The following CRYBA1 variants were observed in gnomAD, a reference collection of about 807,000 sequenced individuals.
CRYBA1 encodes crystallin beta A1.
CRYBA1 carries 25 observed loss-of-function variants against 36.2 expected under a neutral mutation model. The observed-to-expected ratio is 0.69, with a 90% CI of 0.50 to 0.97. The LOEUF (loss-of-function observed/expected upper bound fraction) is 0.97. CRYBA1 is among the 50% of genes least tolerant of loss of function. The pLI is 0.00. For synonymous variants in CRYBA1, 111 were observed against 90.0 expected (o/e 1.23, Z -1.32); for missense variants, 224 against 276.3 (o/e 0.81, Z 1.34).
At position 29,254,366 on chromosome 17, in the gene CRYBA1, A is replaced by C. The variant is rs1366101493; in HGVS notation, c.*17A>C. 6.2e-7 allele frequency: 1 copy of C among 1,613,974 alleles called. No individual in the cohort carries two copies. The highest frequency in any genetic ancestry group is 1.7e-5 in the Admixed American group (1 of 60,022). ...CAACAGTAGCTGATTAAAAGCTCCAAGTACGATAATTCCTCAAGCATGAGA... is the reference window on the plus strand; with the variant it reads ...CAACAGTAGCTGATTAAAAGCTCCACGTACGATAATTCCTCAAGCATGAGA... On this transcript the variant is annotated 3_prime_UTR_variant, in exon 6 of 6. Transcript: ENST00000225387.
At chr17:29,251,717 G>A (rs745553089) in intron 3 of CRYBA1, among the ~76,000 whole-genome samples, 3 of 152,136 alleles carry the variant, frequency 2.0e-5, no homozygotes, top group Non-Finnish European at 2.9e-5. Context: ...GGGCTCAAGC[G>A]ATCTGCTTGC....
At chr17:29,247,977 G>A (rs1007666517) in intron 1 of CRYBA1, among the ~76,000 whole-genome samples, 6 of 152,134 alleles carry the variant, frequency 3.9e-5, no homozygotes, top group African/African-American at 1.4e-4. Flanking sequence ...TTAGCCGGGC[G>A]TGGTGGCACA....
rs368469355 is a variant in CRYBA1, at chr17:29,249,185, G to A, written c.75G>A (p.Pro25=). The part of the protein sequence containing the change: ...TTKMAQTNPT[P]GSLGPWKITI... ...AGATGGCTCAGACCAACCCTACGCC[G>A]GGGTCCCTGGGGCCATGGAAGGTAA... Residue 25 remains proline, a synonymous_variant, in exon 2 of 6, where the codon CCG becomes CCA. Transcript: ENST00000225387. 7.4e-5 allele frequency: 119 copies of A among 1,611,918 alleles called. No homozygotes were observed. The African/African-American group carries it at 1.2e-3, about 17-fold the overall frequency.
intron 3 of CRYBA1, among the ~76,000 whole-genome samples, chr17:29,250,619 A>G (rs1003210545): frequency 6.6e-6 from 1 of 152,184 alleles, no homozygotes; most frequent in African/African-American, 2.4e-5. Flanking sequence ...CAGAACAGCC[A>G]CAAGACCCTT....
At chr17:29,251,209 T>C (rs1471090476) in intron 3 of CRYBA1, among the ~76,000 whole-genome samples, 2 of 152,214 alleles carry the variant, frequency 1.3e-5, no homozygotes, top group Non-Finnish European at 2.9e-5. Flanking sequence ...AGGTTTGGCT[T>C]GAGCCAAAGC....
chr17:29,252,234 CAT>C (rs1329717461), intron 4 of CRYBA1, 29 bp downstream of exon 4: 2 of 1,613,490 alleles, frequency 1.2e-6, no homozygotes, highest in Admixed American at 3.3e-5. Context: ...CACTTCCGTG[CAT>C]ATGAGGGATG....
chr17:29,252,034 C>CTA, intron 3 of CRYBA1, 30 bp from the exon 4 acceptor site: 1 of 1,614,110 alleles, frequency 6.2e-7, no homozygotes, highest in Non-Finnish European at 8.5e-7. Context: ...GCTTTGAACA[C>CTA]CATGAACAAA....
At chr17:29,251,969 ACC>A in intron 3 of CRYBA1, 93 bp from the exon 4 acceptor site, 1 of 1,504,408 alleles carries the variant, frequency 6.6e-7, no homozygotes, top group South Asian at 1.1e-5. Context: ...TTGATATTTT[ACC>A]CCACTATTGA....
chr17:29,250,745 T>TG (rs1170952116), intron 3 of CRYBA1, among the ~76,000 whole-genome samples: 2 of 151,632 alleles, frequency 1.3e-5, no homozygotes, highest in African/African-American at 4.9e-5. Context: ...AATTTCTTTA[T>TG]GAAAAAAAAA....
intron 4 of CRYBA1, among the ~76,000 whole-genome samples, chr17:29,252,546 T>A (rs1216211136): frequency 2.6e-5 from 4 of 152,126 alleles, no homozygotes; most frequent in Non-Finnish European, 5.9e-5. Context: ...CTGTGTAACA[T>A]TTTTACTGCA....
In CRYBA1 at chr17:29,252,027, T is replaced by A. The variant is rs541448028; in HGVS notation, c.216-37T>A. 25 of 1,614,136 alleles carry A rather than the reference T, an allele frequency of 1.5e-5. 1 individual carries two copies. Among genetic ancestry groups the A allele is most frequent in the Middle Eastern group, 3.3e-4 (2 of 6,062 alleles). ...CCTTCTCCCCAAGGCCATATAGGCTTTGAACACCATGAACAAACACTACAT... is the reference window on the plus strand; with the variant it reads ...CCTTCTCCCCAAGGCCATATAGGCTATGAACACCATGAACAAACACTACAT... On this transcript the variant is annotated intron_variant, in intron 3 of 5. Transcript: ENST00000225387.
Position 29,250,239 on chromosome 17 carries a change from T to C in CRYBA1, c.154T>C (p.Cys52Arg). Reference protein sequence around the residue: ...QGKRMEFTSSCPNVSERSFDN... With the variant: ...QGKRMEFTSSRPNVSERSFDN... ...CAAGAGGATGGAGTTCACCAGCTCCTGTCCAAATGTCTCTGAGCGCAGTTT... is the reference window on the plus strand; with the variant it reads ...CAAGAGGATGGAGTTCACCAGCTCCCGTCCAAATGTCTCTGAGCGCAGTTT... Residue 52 changes from cysteine (C) to arginine (R), a missense_variant, in exon 3 of 6, where the codon TGT becomes CGT. By Grantham distance (180) the Cys-to-Arg change is radical (BLOSUM62 -3). Coordinates refer to ENST00000225387, the MANE Select transcript of CRYBA1 (RefSeq NM_005208.5). 2 of 1,613,822 alleles carry C rather than the reference T, an allele frequency of 1.2e-6. No homozygotes were observed. Among genetic ancestry groups the C allele is most frequent in the African/African-American group, 2.7e-5 (2 of 75,068 alleles).
intron 4 of CRYBA1, 45 bp downstream of exon 4, chr17:29,252,250 C>T (rs1567671290): frequency 6.2e-7 from 1 of 1,611,858 alleles, no homozygotes; most frequent in Non-Finnish European, 8.5e-7. Flanking sequence ...AGGGATGGGA[C>T]AAGAGGGTGT....
rs1359035884 is a variant in CRYBA1, at chr17:29,254,372, A to G, written c.*23A>G. On this transcript the variant is annotated 3_prime_UTR_variant, in exon 6 of 6. Transcript: ENST00000225387. Reference sequence around the variant, plus strand: ...TAGCTGATTAAAAGCTCCAAGTACGATAATTCCTCAAGCATGAGACCTTGC... The same window carrying G: ...TAGCTGATTAAAAGCTCCAAGTACGGTAATTCCTCAAGCATGAGACCTTGC... The G allele has an allele frequency of 7.4e-6, 12 of 1,613,624 alleles. 1 individual carries two copies. Among genetic ancestry groups the G allele is most frequent in the South Asian group, 5.5e-5 (5 of 91,078 alleles).
At chr17:29,254,081 C>A in intron 5 of CRYBA1, 121 bp from the exon 6 acceptor site, 1 of 1,113,714 alleles carries the variant, frequency 9.0e-7, no homozygotes, top group Non-Finnish European at 1.3e-6. Context: ...TTTAGGATGG[C>A]TATTTTTTCT....
intron 3 of CRYBA1, 50 bp from the exon 4 acceptor site, chr17:29,252,014 G>A (rs1429226686): frequency 3.1e-6 from 5 of 1,613,474 alleles, no homozygotes; most frequent in South Asian, 1.1e-5. Flanking sequence ...TTCTCCCCAA[G>A]GCCATATAGG....
chr17:29,250,476 G>A (rs1400813893), intron 3 of CRYBA1, among the ~76,000 whole-genome samples, 176 bp downstream of exon 3: 1 of 152,154 alleles, frequency 6.6e-6, no homozygotes, highest in Non-Finnish European at 1.5e-5. Context: ...CTAGAAGGAA[G>A]GAACATGAGG....
At chr17:29,247,573 C>G (rs1328502842) in intron 1 of CRYBA1, among the ~76,000 whole-genome samples, 1 of 152,222 alleles carries the variant, frequency 6.6e-6, no homozygotes, top group Non-Finnish European at 1.5e-5. Flanking sequence ...CACTTTCCTT[C>G]AATAAGTCTT....
chr17:29,250,909 A>C (rs1042335349), intron 3 of CRYBA1, among the ~76,000 whole-genome samples: 1 of 152,190 alleles, frequency 6.6e-6, no homozygotes, highest in Non-Finnish European at 1.5e-5. Context: ...GCCTGAAAAT[A>C]CCTAAGGAAA....
Sources: allele counts gnomAD v4.1 joint callset (sites outside exome capture counted in the v4.1 genomes callset), GRCh38; gene constraint gnomAD v4.1.1; transcripts MANE v1.5; gene names NCBI Gene and HGNC (gene_info 2026-07-23, HGNC 2026-07-21).